The following CDH18 variants were observed in gnomAD, a reference collection of about 807,000 sequenced individuals.
CDH18 encodes cadherin-18.
Under a neutral mutation model 67.9 loss-of-function variants are expected in CDH18, and 31 were observed. The observed-to-expected ratio is 0.46, with a 90% CI of 0.34 to 0.62. CDH18 has a LOEUF of 0.62. Ranked by LOEUF, CDH18 falls within the 20% of genes least tolerant of loss-of-function variation. CDH18 has a pLI of 0.01. For synonymous variants in CDH18, 362 were observed against 347.2 expected (o/e 1.04, Z -0.48); for missense variants, 890 against 975.5 (o/e 0.91, Z 1.17).
intron 10 of CDH18, among the ~76,000 whole-genome samples, chr5:19,504,130 G>C (rs1743705760): frequency 6.6e-6 from 1 of 152,082 alleles, no homozygotes; most frequent in Admixed American, 6.6e-5. Flanking sequence ...TAGTTTGTCA[G>C]AAAGATGAGG....
chr5:20,563,179 C>T (rs565978044), intron 1 of CDH18, among the ~76,000 whole-genome samples: 1 of 151,926 alleles, frequency 6.6e-6, no homozygotes, highest in South Asian at 2.1e-4. Context: ...TTTTATTTTT[C>T]AATTACTTCA....
intron 1 of CDH18, among the ~76,000 whole-genome samples, chr5:20,274,345 T>C (rs976248328): frequency 6.6e-6 from 1 of 152,040 alleles, no homozygotes; most frequent in Non-Finnish European, 1.5e-5. Context: ...CTCAAAATAA[T>C]TATACTGAGT....
intron 1 of CDH18, among the ~76,000 whole-genome samples, chr5:20,284,685 T>G (rs1746548117): frequency 6.6e-6 from 1 of 151,964 alleles, no homozygotes; most frequent in Non-Finnish European, 1.5e-5. Context: ...ACTAACCAAT[T>G]TCTCTGAGAT....
At chr5:20,339,964 T>C (rs1416309752) in intron 1 of CDH18, among the ~76,000 whole-genome samples, 1 of 152,114 alleles carries the variant, frequency 6.6e-6, no homozygotes, top group Non-Finnish European at 1.5e-5. Context: ...TATTATCCAA[T>C]TGAGAGGGTA....
At chr5:20,126,050 C>G (rs77607143) in intron 2 of CDH18, among the ~76,000 whole-genome samples, 5 of 152,070 alleles carry the variant, frequency 3.3e-5, no homozygotes, top group Admixed American at 6.6e-5. Context: ...CCCACACTTC[C>G]GGATTTCAAA....
chr5:19,694,864 ACT>A (rs1480311806), intron 5 of CDH18, among the ~76,000 whole-genome samples: 1 of 107,218 alleles, frequency 9.3e-6, no homozygotes, highest in Non-Finnish European at 2.0e-5. Flanking sequence ...ACAGAGTGAG[ACT>A]CTGTCTCAAA....
intron 5 of CDH18, among the ~76,000 whole-genome samples, chr5:19,709,238 A>G (rs992650165): frequency 1.3e-5 from 2 of 152,026 alleles, no homozygotes; most frequent in African/African-American, 4.8e-5. Flanking sequence ...CTGATACTGC[A>G]TAGGATGGGA....
At chr5:20,369,018 C>G (rs1433659045) in intron 1 of CDH18, among the ~76,000 whole-genome samples, 1 of 152,068 alleles carries the variant, frequency 6.6e-6, no homozygotes, top group East Asian at 1.9e-4. Context: ...TATCTTGGGA[C>G]TCAGCTTTCA....
At chr5:19,880,826 G>A (rs1294090559) in intron 2 of CDH18, among the ~76,000 whole-genome samples, 5 of 152,122 alleles carry the variant, frequency 3.3e-5, no homozygotes, top group African/African-American at 1.2e-4. Flanking sequence ...AAAAATCTCA[G>A]AAACTTTCCA....
intron 5 of CDH18, among the ~76,000 whole-genome samples, chr5:19,631,233 A>C (rs1561505637): frequency 6.6e-6 from 1 of 152,110 alleles, no homozygotes; most frequent in Admixed American, 6.5e-5. Context: ...TATTTCACGC[A>C]TATGAATAAT....
intron 2 of CDH18, among the ~76,000 whole-genome samples, chr5:20,036,728 C>T (rs1437152957): frequency 1.4e-4 from 21 of 152,120 alleles, no homozygotes; most frequent in Non-Finnish European, 2.9e-4. Flanking sequence ...AAGTCTCCCA[C>T]TATTATTGTG....
chr5:20,492,590 C>A (rs1232496132), intron 1 of CDH18, among the ~76,000 whole-genome samples: 1 of 151,984 alleles, frequency 6.6e-6, no homozygotes, highest in Non-Finnish European at 1.5e-5. Context: ...GTAACTTTGT[C>A]TTTCAACTTG....
intron 4 of CDH18, among the ~76,000 whole-genome samples, chr5:19,742,851 C>G (rs543985952): frequency 1.3e-5 from 2 of 152,122 alleles, no homozygotes; most frequent in South Asian, 4.1e-4. Context: ...GTAATTTTAT[C>G]AGGCCCCATA....
intron 3 of CDH18, among the ~76,000 whole-genome samples, chr5:19,800,623 A>T (rs1777359317): frequency 1.3e-5 from 2 of 152,210 alleles, no homozygotes; most frequent in Non-Finnish European, 1.5e-5. Context: ...AAAATTAAAG[A>T]TAAAACACTA....
At chr5:19,658,182 G>T (rs139405869) in intron 5 of CDH18, among the ~76,000 whole-genome samples, 197 of 151,910 alleles carry the variant, frequency 1.3e-3, no homozygotes, top group African/African-American at 4.6e-3. Flanking sequence ...AGCTATATTT[G>T]CATTTTTATA....
chr5:20,481,528 C>T (rs1018076225), intron 1 of CDH18, among the ~76,000 whole-genome samples: 8 of 152,186 alleles, frequency 5.3e-5, no homozygotes, highest in African/African-American at 1.9e-4. Context: ...TTCTCCTCAG[C>T]ACACAGGTTA....
chr5:19,558,394 C>A (rs534613523), intron 8 of CDH18, among the ~76,000 whole-genome samples: 1 of 151,986 alleles, frequency 6.6e-6, no homozygotes, highest in Non-Finnish European at 1.5e-5. Flanking sequence ...AATGATAGAT[C>A]ATTAGTGAGA....
intron 7 of CDH18, among the ~76,000 whole-genome samples, chr5:19,585,012 A>G (rs1743940289): frequency 6.6e-6 from 1 of 150,912 alleles, no homozygotes; most frequent in South Asian, 2.1e-4. Flanking sequence ...AAAAAATTCA[A>G]GGAAAAAAGT....
chr5:19,501,969 G>A (rs1743327648), intron 11 of CDH18, among the ~76,000 whole-genome samples: 1 of 152,182 alleles, frequency 6.6e-6, no homozygotes, highest in Non-Finnish European at 1.5e-5. Flanking sequence ...CATAAGCAGA[G>A]CTGACATAGG....
Sources: gnomAD v4.1 joint callset for allele counts (sites outside exome capture counted in the v4.1 genomes callset) on GRCh38, gnomAD v4.1.1 for gene constraint, MANE v1.5 for transcripts, NCBI Gene and HGNC (gene_info 2026-07-23, HGNC 2026-07-21) for gene names.